BAZ2B: variants seen among roughly 807,000 people sequenced by gnomAD.
The protein encoded by BAZ2B is bromodomain adjacent to zinc finger domain 2B.
BAZ2B carries 91 observed loss-of-function variants against 246.0 expected under a neutral mutation model. That is an observed-to-expected ratio of 0.37 (90% CI 0.31 to 0.44). BAZ2B has a LOEUF of 0.44. Ranked by LOEUF, BAZ2B falls within the 20% of genes least tolerant of loss-of-function variation. The pLI is 1.00. For synonymous variants in BAZ2B, 855 were observed against 860.0 expected (o/e 0.99, Z 0.10); for missense variants, 2,332 against 2,533.7 (o/e 0.92, Z 1.71).
rs1410793953 is a variant in BAZ2B, at chr2:159,399,148, CT to C, written c.2899-255del. Among the ~76,000 whole-genome samples, 17 of 21,690 alleles carry C rather than the reference CT, an allele frequency of 7.8e-4. No individual in the cohort carries two copies. The Non-Finnish European group carries it at 0.018, about 23-fold the overall frequency. 14.2% of individuals were successfully genotyped at this position (21,690 alleles called of 152,430 possible). Reference sequence around the variant, plus strand: ...AATATGACAGCTTTTCTTCTTCAAGCTTTGTTAAGTCTGAAATAATTGAGTG... The same window carrying C: ...AATATGACAGCTTTTCTTCTTCAAGCTTGTTAAGTCTGAAATAATTGAGTG... On this transcript the variant is annotated intron_variant, in intron 17 of 36. Transcript: ENST00000392783.
At chr2:159,342,462 T>A (rs2149042429) in intron 31 of BAZ2B, among the ~76,000 whole-genome samples, 1 of 152,306 alleles carries the variant, frequency 6.6e-6, no homozygotes, top group East Asian at 1.9e-4. Flanking sequence ...ATTTTTGTAT[T>A]TTTTGTAGAG....
chr2:159,694,199 C>T, the BAZ2B span: 1 of 152,024 alleles, frequency 6.6e-6, no homozygotes, highest in African/African-American at 2.4e-5. Context: ...CATGTGAGGC[C>T]ACAGGGAAGT....
chr2:159,464,080 T>C (rs1458361549), intron 3 of BAZ2B: 1 of 152,198 alleles, frequency 6.6e-6, no homozygotes, highest in Non-Finnish European at 1.5e-5. Context: ...AGAGTTCCTA[T>C]ATACTGTCTA....
At chr2:159,596,647 T>C (rs1168390513) in intron 1 of BAZ2B, among the ~76,000 whole-genome samples, 1 of 152,208 alleles carries the variant, frequency 6.6e-6, no homozygotes, top group African/African-American at 2.4e-5. Flanking sequence ...ATACACTGCA[T>C]ACAATTTGTA....
chr2:159,595,129 TTTTGCTCTTGTTGCC>T (rs1690364281), intron 1 of BAZ2B, among the ~76,000 whole-genome samples: 1 of 150,236 alleles, frequency 6.7e-6, no homozygotes, highest in Non-Finnish European at 1.5e-5. Flanking sequence ...TTAAACGGAG[TTTTGCTCTTGTTGCC>T]CAGGCTGGAG....
chr2:159,394,383 C>A (rs2063729764), intron 20 of BAZ2B, among the ~76,000 whole-genome samples: 1 of 152,126 alleles, frequency 6.6e-6, no homozygotes, highest in Non-Finnish European at 1.5e-5. Context: ...CTTTCCCTGA[C>A]TGTCATTTTT....
At chr2:159,428,464 A>G in intron 11 of BAZ2B, 45 bp from the exon 12 acceptor site, 6 of 1,436,670 alleles carry the variant, frequency 4.2e-6, no homozygotes, top group South Asian at 3.7e-5. Context: ...TAATTTCAAG[A>G]AAGCTTTTAA....
chr2:159,654,717 G>A, the BAZ2B span, among the ~76,000 whole-genome samples: 1 of 152,204 alleles, frequency 6.6e-6, no homozygotes, highest in Non-Finnish European at 1.5e-5. Context: ...GCTCACACCT[G>A]TAATTCCTGC....
At chr2:159,668,563 C>T in the BAZ2B span, among the ~76,000 whole-genome samples, 9 of 152,260 alleles carry the variant, frequency 5.9e-5, no homozygotes, top group South Asian at 1.9e-3. Context: ...TTATCTCAAT[C>T]ATGTAGGTAG....
intron 8 of BAZ2B, chr2:159,434,772 T>C (rs751427042): frequency 6.6e-6 from 1 of 152,104 alleles, no homozygotes. Context: ...TTCTGTGGGA[T>C]CTACTTTAGT....
At chr2:159,627,250 C>A in the BAZ2B span, among the ~76,000 whole-genome samples, 1 of 151,622 alleles carries the variant, frequency 6.6e-6, no homozygotes, top group Admixed American at 6.6e-5. Context: ...GTACACAGAG[C>A]AGTTGGTACC....
At chr2:159,343,211 C>CAT (rs893964523) in intron 31 of BAZ2B, among the ~76,000 whole-genome samples, 2 of 152,124 alleles carry the variant, frequency 1.3e-5, no homozygotes, top group African/African-American at 2.4e-5. Context: ...ACTGGATATC[C>CAT]ATATGCAGAG....
chr2:159,602,939 C>G (rs1250105260), intron 1 of BAZ2B, among the ~76,000 whole-genome samples: 1 of 152,122 alleles, frequency 6.6e-6, no homozygotes, highest in Non-Finnish European at 1.5e-5. Flanking sequence ...GAGTTCAAGA[C>G]CAGCCAGGTC....
chr2:159,609,159 T>G (rs1694160796), intron 1 of BAZ2B, among the ~76,000 whole-genome samples: 1 of 152,228 alleles, frequency 6.6e-6, no homozygotes, highest in African/African-American at 2.4e-5. Flanking sequence ...CTTACAGTTA[T>G]TACTGACAAC....
At chr2:159,614,602 G>C (rs1695467835) in intron 1 of BAZ2B, among the ~76,000 whole-genome samples, 2 of 151,690 alleles carry the variant, frequency 1.3e-5, no homozygotes, top group Admixed American at 6.6e-5. Flanking sequence ...ACTGACTACA[G>C]ATAACAGTTG....
intron 1 of BAZ2B, among the ~76,000 whole-genome samples, chr2:159,611,294 C>A (rs1011600877): frequency 6.6e-6 from 1 of 151,810 alleles, no homozygotes; most frequent in African/African-American, 2.4e-5. Flanking sequence ...ACATTTCATA[C>A]ACAATTCAAT....
At chr2:159,462,968 A>C (rs1211751008) in intron 3 of BAZ2B, 1 of 993,008 alleles carries the variant, frequency 1.0e-6, no homozygotes, top group African/African-American at 1.6e-5. Flanking sequence ...GATCAAATGT[A>C]AAGGAAATTT....
rs372052284 is a variant in BAZ2B, at chr2:159,472,976, G to T, written c.145+5599C>A. ...TTTGTCGTGTCTCTGCCAGGTTTTG[G>T]TATCAGGATGATGCTGGCCTCATAA... On this transcript the variant is annotated intron_variant, in intron 3 of 36. Coordinates refer to ENST00000392783, the MANE Select transcript of BAZ2B (RefSeq NM_013450.4). Among the ~76,000 whole-genome samples, 34 of 152,280 alleles carry T rather than the reference G, an allele frequency of 2.2e-4. No homozygotes were observed. The South Asian group carries it at 7.1e-3, about 32-fold the overall frequency.
At chr2:159,332,490 T>C (rs781594432) in intron 34 of BAZ2B, 50 bp downstream of exon 34, 117 of 1,536,712 alleles carry the variant, frequency 7.6e-5, no homozygotes, top group Middle Eastern at 1.8e-4. Flanking sequence ...ATTAAAAAAA[T>C]AATAAAAAGA....
Sources: gnomAD v4.1 joint callset for allele counts (sites outside exome capture counted in the v4.1 genomes callset) on GRCh38, gnomAD v4.1.1 for gene constraint, MANE v1.5 for transcripts, NCBI Gene and HGNC (gene_info 2026-07-23, HGNC 2026-07-21) for gene names.